C6orf58: variants seen among roughly 807,000 people sequenced by gnomAD.
The protein encoded by C6orf58 is protein LEG1 homolog.
Under a neutral mutation model 37.0 loss-of-function variants are expected in C6orf58, and 30 were observed. That is an observed-to-expected ratio of 0.81 (90% CI 0.61 to 1.10). C6orf58 has a LOEUF of 1.10. Ranked by LOEUF, C6orf58 falls within the 50% of genes least tolerant of loss-of-function variation. The pLI, the probability that C6orf58 is intolerant of heterozygous loss-of-function variation, is 0.00. For missense variants in C6orf58, 368 were observed against 387.5 expected, an observed-to-expected ratio of 0.95 and a Z score of 0.42; for synonymous variants, 143 against 134.1, an observed-to-expected ratio of 1.07 and a Z score of -0.46.
At chr6:127,582,387 C>A (rs1775059223) in intron 4 of C6orf58, among the ~76,000 whole-genome samples, 1 of 152,108 alleles carries the variant, frequency 6.6e-6, no homozygotes, top group South Asian at 2.1e-4. Context: ...GAAGAAAAAT[C>A]TACTTGTTTT....
intron 4 of C6orf58, among the ~76,000 whole-genome samples, chr6:127,587,244 T>G (rs1322163391): frequency 1.3e-5 from 2 of 152,176 alleles, no homozygotes; most frequent in Non-Finnish European, 2.9e-5. Flanking sequence ...AAAAACAGCA[T>G]TTTTACTAAA....
In C6orf58 at chr6:127,590,195, G is replaced by A. The variant is rs781523347; in HGVS notation, c.783G>A (p.Lys261=). Residue 261 remains lysine (K), a synonymous_variant, in exon 5 of 6, where the codon AAG becomes AAA. Transcript: ENST00000329722. ...LFPTTLIRSY[K]FQKGMPPRIL... Reference sequence around the variant, plus strand: ...CTACAACCTTGATTAGATCATATAAGTTCCAGAAGGGCATGCCACCACGAA... The same window carrying A: ...CTACAACCTTGATTAGATCATATAAATTCCAGAAGGGCATGCCACCACGAA... 28 of 1,613,656 alleles carry A rather than the reference G, an allele frequency of 1.7e-5. No homozygotes were observed. The highest frequency in any genetic ancestry group is 1.7e-5 in the Non-Finnish European group (20 of 1,179,806).
intron 4 of C6orf58, among the ~76,000 whole-genome samples, chr6:127,582,487 C>A (rs532703935): frequency 1.3e-5 from 2 of 152,194 alleles, no homozygotes; most frequent in Non-Finnish European, 2.9e-5. Flanking sequence ...TGTTAGCTAG[C>A]GCACATATTC....
intron 4 of C6orf58, among the ~76,000 whole-genome samples, chr6:127,582,558 A>G (rs568959703): frequency 3.5e-4 from 54 of 152,294 alleles, no homozygotes; most frequent in African/African-American, 1.3e-3. Flanking sequence ...AGAAAATCTA[A>G]AGAAGTTTGC....
At chr6:127,591,410 C>G (rs1321508077) in intron 5 of C6orf58, 133 bp from the exon 6 acceptor site, 5 of 832,412 alleles carry the variant, frequency 6.0e-6, no homozygotes, top group Non-Finnish European at 8.4e-6. Context: ...GCTTACTTTT[C>G]TTTGTATAAT....
At chr6:127,581,706 C>G (rs1775052849) in intron 4 of C6orf58, among the ~76,000 whole-genome samples, 1 of 152,102 alleles carries the variant, frequency 6.6e-6, no homozygotes, top group Non-Finnish European at 1.5e-5. Flanking sequence ...AGTAGAGGTT[C>G]AGAGAGCTTC....
intron 5 of C6orf58, among the ~76,000 whole-genome samples, chr6:127,590,819 T>C (rs1020947318): frequency 1.2e-4 from 19 of 152,086 alleles, no homozygotes; most frequent in African/African-American, 4.3e-4. Context: ...AAATGCTGGA[T>C]CTTCTAGTGA....
chr6:127,584,353 A>C (rs1033215181), intron 4 of C6orf58, among the ~76,000 whole-genome samples: 3 of 152,138 alleles, frequency 2.0e-5, no homozygotes, highest in African/African-American at 7.2e-5. Flanking sequence ...TCACTCCACC[A>C]ATATTTTCCT....
At chr6:127,583,997 C>A (rs1359678097) in intron 4 of C6orf58, among the ~76,000 whole-genome samples, 1 of 152,142 alleles carries the variant, frequency 6.6e-6, no homozygotes, top group East Asian at 1.9e-4. Flanking sequence ...CCAACAAATT[C>A]TATTAACTTT....
At chr6:127,577,850 T>C in intron 1 of C6orf58, among the ~76,000 whole-genome samples, 1 of 152,160 alleles carries the variant, frequency 6.6e-6, no homozygotes, top group Non-Finnish European at 1.5e-5. Context: ...CAAAGTGATG[T>C]CCAATTAGTT....
chr6:127,584,195 C>T lies in C6orf58; in HGVS notation c.674+2913C>T, dbSNP rs182598707. Among the ~76,000 whole-genome samples the T allele has an allele frequency of 5.5e-4, 83 of 152,254 alleles. 1 individual carries two copies. The highest frequency in any genetic ancestry group is 4.4e-3 in the Admixed American group (68 of 15,296). ...AGCACTTATAAAACCAGAAAATATG[C>T]ACTGAAGGTGGCAATTGAATTAAAT... is the stretch of plus-strand genomic sequence containing the variant. On this transcript the variant is annotated intron_variant, in intron 4 of 5. Coordinates refer to ENST00000329722, the MANE Select transcript of C6orf58 (RefSeq NM_001010905.3).
At chr6:127,581,147 C>A in intron 3 of C6orf58, 35 bp from the exon 4 acceptor site, 1 of 989,944 alleles carries the variant, frequency 1.0e-6, no homozygotes, top group Non-Finnish European at 1.5e-6. Context: ...TTTATAGTTG[C>A]TCAAATATTA....
In C6orf58 at chr6:127,581,234, C is replaced by T; in HGVS notation, c.626C>T (p.Ala209Val). 1 of 1,541,726 alleles carries T rather than the reference C, an allele frequency of 6.5e-7. No homozygotes were observed. The highest frequency in any genetic ancestry group is 1.4e-5 in the African/African-American group (1 of 72,636). Residue 209 changes from alanine (A) to valine (V), a missense_variant, in exon 4 of 6, where the codon GCT becomes GTT. By Grantham distance (64) the Ala-to-Val change is moderately conservative. Transcript: ENST00000329722. ...KFDDLLKYLW[A>V]AHTSTLADNI... is the part of the protein sequence containing the mutation. ...GATGATCTGTTGAAGTACTTATGGGCTGCACACACTTCAACCTTGGCAGAT... is the reference window on the plus strand; with the variant it reads ...GATGATCTGTTGAAGTACTTATGGGTTGCACACACTTCAACCTTGGCAGAT...
chr6:127,585,953 T>C (rs929791414), intron 4 of C6orf58, among the ~76,000 whole-genome samples: 18 of 152,214 alleles, frequency 1.2e-4, no homozygotes, highest in African/African-American at 3.9e-4. Context: ...TCATATATTA[T>C]AGCTTTTCTT....
At chr6:127,589,148 A>T (rs1775135316) in intron 4 of C6orf58, among the ~76,000 whole-genome samples, 1 of 152,238 alleles carries the variant, frequency 6.6e-6, no homozygotes. Context: ...ACATGATAAT[A>T]GAATATAACT....
intron 2 of C6orf58, among the ~76,000 whole-genome samples, chr6:127,580,025 T>C (rs1008593019): frequency 2.0e-5 from 3 of 152,148 alleles, no homozygotes; most frequent in African/African-American, 4.8e-5. Flanking sequence ...TTTTAAAATA[T>C]AGTCAACTAC....
At chr6:127,585,800 AT>A (rs930426024) in intron 4 of C6orf58, among the ~76,000 whole-genome samples, 1 of 152,078 alleles carries the variant, frequency 6.6e-6, no homozygotes, top group African/African-American at 2.4e-5. Flanking sequence ...TTTTCACAAG[AT>A]TTATCTTTCA....
At chr6:127,578,394 T>G (rs2114288657) in intron 1 of C6orf58, among the ~76,000 whole-genome samples, 1 of 152,216 alleles carries the variant, frequency 6.6e-6, no homozygotes, top group South Asian at 2.1e-4. Context: ...TGCATATTGC[T>G]TCATAGTTTC....
intron 1 of C6orf58, among the ~76,000 whole-genome samples, chr6:127,578,011 C>G (rs1337463878): frequency 6.6e-6 from 1 of 152,058 alleles, no homozygotes; most frequent in South Asian, 2.1e-4. Flanking sequence ...ATAAAATATA[C>G]ATGAATTGAA....
Sources: allele counts gnomAD v4.1 joint callset (sites outside exome capture counted in the v4.1 genomes callset), GRCh38; gene constraint gnomAD v4.1.1; transcripts MANE v1.5; gene names NCBI Gene and HGNC (gene_info 2026-07-23, HGNC 2026-07-21).